Variants in RORA observed in about 807,000 individuals in gnomAD.
The protein encoded by RORA is RAR related orphan receptor A.
In RORA, 7 loss-of-function variants were observed where a neutral mutation model predicts 69.5. The ratio of observed to expected loss-of-function variants is 0.10; its 90% CI spans 0.06 to 0.19. The LOEUF is 0.19. Ranked by LOEUF, RORA falls within the 10% of genes least tolerant of loss-of-function variation. RORA has a pLI of 1.00. For missense variants in RORA, 457 were observed against 663.0 expected (o/e 0.69, Z 3.41); for synonymous variants, 261 against 240.8 (o/e 1.08, Z -0.78).
At chr15:61,109,465 C>G (rs1297236996) in intron 1 of RORA, among the ~76,000 whole-genome samples, 2 of 152,166 alleles carry the variant, frequency 1.3e-5, no homozygotes, top group African/African-American at 4.8e-5. Flanking sequence ...TGGTTTCAGT[C>G]AACACCTCAC....
At chr15:61,092,638 T>A (rs1461422891) in intron 1 of RORA, among the ~76,000 whole-genome samples, 1 of 152,226 alleles carries the variant, frequency 6.6e-6, no homozygotes, top group Non-Finnish European at 1.5e-5. Context: ...TCCATGAGAT[T>A]CCATTTAAAC....
Position 60,503,660 on chromosome 15 carries a change from T to A in RORA, c.950A>T (p.Glu317Val). 6.2e-7 allele frequency: 1 copy of A among 1,613,804 alleles called. No individual in the cohort carries two copies. The highest frequency in any genetic ancestry group is 8.5e-7 in the Non-Finnish European group (1 of 1,179,966). ...EIENYQNKQR[E>V]VMWQLCAIKI... Reference sequence around the variant, plus strand: ...GATGGCACACAATTGCCACATCACCTCCCGCTGCTGTTAAAGAGGGAAACA... The same window carrying A: ...GATGGCACACAATTGCCACATCACCACCCGCTGCTGTTAAAGAGGGAAACA... Residue 317 changes from glutamate to valine, a missense_variant, in exon 7 of 11, where the codon GAG (glutamate) becomes GTG (valine). This residue lies in a region of RORA where 304 missense variants were observed against 447.4 expected (regional missense o/e 0.68). Transcript: ENST00000335670.
intron 1 of RORA, among the ~76,000 whole-genome samples, chr15:61,076,600 A>G (rs1163853057): frequency 1.3e-5 from 2 of 152,252 alleles, no homozygotes; most frequent in Non-Finnish European, 2.9e-5. Flanking sequence ...CTTACAATAG[A>G]AACTGCAAAA....
At chr15:60,672,292 C>T (rs946075181) in intron 2 of RORA, among the ~76,000 whole-genome samples, 1 of 152,088 alleles carries the variant, frequency 6.6e-6, no homozygotes, top group African/African-American at 2.4e-5. Flanking sequence ...TGGCTTTCTT[C>T]CTATACTTTA....
intron 2 of RORA, among the ~76,000 whole-genome samples, chr15:60,591,254 G>A (rs964461863): frequency 6.6e-6 from 1 of 152,210 alleles, no homozygotes; most frequent in African/African-American, 2.4e-5. Flanking sequence ...AAGCAGCTCG[G>A]GCAGATTATC....
chr15:60,947,727 C>T (rs1479702033), intron 1 of RORA, among the ~76,000 whole-genome samples: 9 of 140,970 alleles, frequency 6.4e-5, no homozygotes, highest in Non-Finnish European at 1.1e-4. Flanking sequence ...CAAAAAAGGG[C>T]CGTTTTCCAG....
intron 1 of RORA, among the ~76,000 whole-genome samples, chr15:60,887,101 C>G (rs958781644): frequency 6.6e-6 from 1 of 151,382 alleles, no homozygotes; most frequent in African/African-American, 2.4e-5. Flanking sequence ...CAGAAGAAAG[C>G]TGGTTTCTTT....
At chr15:60,740,713 T>C (rs916913974) in intron 1 of RORA, among the ~76,000 whole-genome samples, 2 of 152,190 alleles carry the variant, frequency 1.3e-5, no homozygotes, top group Non-Finnish European at 2.9e-5. Flanking sequence ...AGGTTAACTT[T>C]TAAAAAAATG....
chr15:60,831,650 G>A (rs1236660792), intron 1 of RORA, among the ~76,000 whole-genome samples: 1 of 152,124 alleles, frequency 6.6e-6, no homozygotes, highest in Non-Finnish European at 1.5e-5. Context: ...TTGAGGGAGA[G>A]AGACACCACA....
chr15:61,210,090 CG>C (rs1252593370), intron 1 of RORA, among the ~76,000 whole-genome samples: 2 of 152,152 alleles, frequency 1.3e-5, no homozygotes, highest in East Asian at 3.9e-4. Flanking sequence ...CAGATGCTCC[CG>C]GGATGCTGAG....
chr15:60,885,633 C>A (rs970250840), intron 1 of RORA, among the ~76,000 whole-genome samples: 99 of 152,294 alleles, frequency 6.5e-4, no homozygotes, highest in Non-Finnish European at 2.4e-4. Flanking sequence ...GGCTTTGAAT[C>A]AAAAATATAT....
In RORA at chr15:60,587,680, C is replaced by A. The variant is rs143042471; in HGVS notation, c.197-55829G>T. Among the ~76,000 whole-genome samples the A allele has an allele frequency of 5.9e-5, 9 of 152,236 alleles. No individual in the cohort carries two copies. In the East Asian group the frequency reaches 1.4e-3, roughly 23 times the overall value. On this transcript the variant is annotated intron_variant, in intron 2 of 10. Transcript: ENST00000335670. ...TGTTTATGAAATGCCTAGTAAACTT[C>A]AGAAGCAGTAACATTTTAAAAAATG...
intron 1 of RORA, among the ~76,000 whole-genome samples, chr15:61,088,033 G>T (rs1444653287): frequency 9.9e-5 from 15 of 152,214 alleles, no homozygotes; most frequent in Admixed American, 9.8e-4. Context: ...CCCCACTCTT[G>T]ACTTGGTTCA....
At chr15:60,675,508 G>A (rs905025691) in intron 2 of RORA, among the ~76,000 whole-genome samples, 7 of 152,132 alleles carry the variant, frequency 4.6e-5, no homozygotes, top group African/African-American at 1.4e-4. Flanking sequence ...ATTTGGGCAC[G>A]AGAAACACTA....
At chr15:60,802,447 C>T (rs2072598192) in intron 1 of RORA, among the ~76,000 whole-genome samples, 2 of 152,144 alleles carry the variant, frequency 1.3e-5, no homozygotes. Context: ...GGTGGGAATT[C>T]TCCTAAATAC....
chr15:61,008,453 C>A (rs1425338029), intron 1 of RORA, among the ~76,000 whole-genome samples: 1 of 151,998 alleles, frequency 6.6e-6, no homozygotes, highest in Non-Finnish European at 1.5e-5. Flanking sequence ...TGATCAAGAA[C>A]GCATGAACAG....
intron 1 of RORA, among the ~76,000 whole-genome samples, chr15:60,988,757 A>G (rs1482469741): frequency 6.6e-6 from 1 of 152,216 alleles, no homozygotes; most frequent in Non-Finnish European, 1.5e-5. Flanking sequence ...GCAGTTTAAC[A>G]GACACTAACA....
At chr15:60,687,756 AAACAAC>A (rs949878879) in intron 1 of RORA, among the ~76,000 whole-genome samples, 7 of 152,234 alleles carry the variant, frequency 4.6e-5, no homozygotes, top group Admixed American at 2.0e-4. Flanking sequence ...TCCGTCTCCA[AAACAAC>A]AACAACAAAA....
rs12050603 is a variant in RORA at position 60,839,946 on chromosome 15, A to T, written c.167-161260T>A. Among the ~76,000 whole-genome samples, 103 of 152,356 alleles carry T rather than the reference A, an allele frequency of 6.8e-4. No homozygotes were observed. In the East Asian group the frequency reaches 0.017, roughly 25 times the overall value. On this transcript the variant is annotated intron_variant, in intron 1 of 10. Coordinates refer to ENST00000335670, the MANE Select transcript of RORA (RefSeq NM_134261.3). ...TTAAATAAAAACATTTTAAAATGTA[A>T]ATAGAGAAGGCAGATGCCGAGACTG...
Sources: gnomAD v4.1 joint callset for allele counts (sites outside exome capture counted in the v4.1 genomes callset) on GRCh38, gnomAD v4.1.1 for gene constraint, gnomAD v4.1.1 regional missense constraint, MANE v1.5 for transcripts, NCBI Gene and HGNC (gene_info 2026-07-23, HGNC 2026-07-21) for gene names.